Variants in IGF2BP2 observed in about 807,000 individuals in gnomAD.
IGF2BP2 encodes the protein insulin like growth factor 2 mRNA binding protein 2.
Under a neutral mutation model 75.8 loss-of-function variants are expected in IGF2BP2, and 17 were observed. The ratio of observed to expected loss-of-function variants is 0.22; its 90% confidence interval spans 0.15 to 0.34. The LOEUF (loss-of-function observed/expected upper bound fraction) is 0.34. IGF2BP2 is among the 10% of genes least tolerant of loss of function. The pLI is 1.00. For missense variants in IGF2BP2, 516 were observed against 772.4 expected, an observed-to-expected ratio of 0.67 and a Z score of 3.93; for synonymous variants, 288 against 295.6, an observed-to-expected ratio of 0.97 and a Z score of 0.26.
intron 2 of IGF2BP2, among the ~76,000 whole-genome samples, chr3:185,710,619 G>C (rs918029534): frequency 1.3e-5 from 2 of 152,046 alleles, no homozygotes; most frequent in Non-Finnish European, 2.9e-5. Context: ...TGTAGTCCCA[G>C]CTACTTGGGA....
At chr3:185,757,459 C>CTTTTTTT (rs57417087) in intron 2 of IGF2BP2, among the ~76,000 whole-genome samples, 7 of 99,610 alleles carry the variant, frequency 7.0e-5, no homozygotes, top group East Asian at 2.6e-4. Flanking sequence ...ATATCTCATA[C>CTTTTTTT]TTTTTTTTTT....
At chr3:185,735,077 A>C (rs1728681190) in intron 2 of IGF2BP2, among the ~76,000 whole-genome samples, 1 of 152,166 alleles carries the variant, frequency 6.6e-6, no homozygotes, top group South Asian at 2.1e-4. Flanking sequence ...AAAATATATT[A>C]ATTTTATGTG....
intron 2 of IGF2BP2, among the ~76,000 whole-genome samples, chr3:185,748,290 A>C (rs929319766): frequency 2.0e-5 from 3 of 152,210 alleles, no homozygotes; most frequent in Non-Finnish European, 4.4e-5. Context: ...TACATAATGG[A>C]TACACTACTA....
chr3:185,735,177 G>A (rs1728698545), intron 2 of IGF2BP2, among the ~76,000 whole-genome samples: 1 of 141,424 alleles, frequency 7.1e-6, no homozygotes, highest in African/African-American at 2.7e-5. Context: ...ACCAAGTCTC[G>A]CTCTGTCGCC....
intron 2 of IGF2BP2, among the ~76,000 whole-genome samples, chr3:185,763,882 A>C (rs573551194): frequency 6.6e-6 from 1 of 152,228 alleles, no homozygotes; most frequent in South Asian, 2.1e-4. Context: ...TGAAGGATGG[A>C]AAGTTGACGG....
chr3:185,684,567 G>C (rs1560289223), intron 7 of IGF2BP2, among the ~76,000 whole-genome samples: 1 of 152,086 alleles, frequency 6.6e-6, no homozygotes, highest in Non-Finnish European at 1.5e-5. Flanking sequence ...ACCACGCCCA[G>C]CTAATTTTTG....
At chr3:185,751,072 G>C (rs1730897806) in intron 2 of IGF2BP2, among the ~76,000 whole-genome samples, 1 of 151,946 alleles carries the variant, frequency 6.6e-6, no homozygotes, top group Non-Finnish European at 1.5e-5. Context: ...TATTAGCTGG[G>C]CGTGATGGGG....
At chr3:185,750,567 C>T (rs948583175) in intron 2 of IGF2BP2, among the ~76,000 whole-genome samples, 1 of 152,126 alleles carries the variant, frequency 6.6e-6, no homozygotes, top group African/African-American at 2.4e-5. Flanking sequence ...TTCTACAGTT[C>T]TCTACGTAGA....
At chr3:185,773,090 G>A (rs866205488) in intron 2 of IGF2BP2, among the ~76,000 whole-genome samples, 4 of 152,152 alleles carry the variant, frequency 2.6e-5, no homozygotes, top group Non-Finnish European at 5.9e-5. Flanking sequence ...AGCAAAGCAC[G>A]TGACTGCTAC....
intron 2 of IGF2BP2, among the ~76,000 whole-genome samples, chr3:185,803,007 A>C (rs1371289641): frequency 1.3e-5 from 2 of 152,242 alleles, no homozygotes; most frequent in African/African-American, 4.8e-5. Context: ...AATGTATCTC[A>C]ATTTTATTTT....
intron 2 of IGF2BP2, among the ~76,000 whole-genome samples, chr3:185,799,371 T>G (rs7653171): frequency 0.99 from 150,127 of 152,234 alleles, 74,032 homozygotes; most frequent in East Asian, 1. Flanking sequence ...CTGCCTTCCA[T>G]CCCTGGGCAA....
Position 185,824,537 on chromosome 3 carries a change from C to A in IGF2BP2, c.178+246G>T, listed in dbSNP as rs182846846. On this transcript the variant is annotated intron_variant, in intron 1 of 15. Transcript: ENST00000382199. ...CGGCGAGCCTCGGGAGCCTTCGGAG[C>A]GGCACGGGGGGCGCCCCAAGGCTGC... 3.3e-3 allele frequency among the ~76,000 whole-genome samples: 456 copies of A among 138,808 alleles called. 1 individual carries two copies. Among genetic ancestry groups the A allele is most frequent in the African/African-American group, 0.012 (433 of 36,370 alleles). The allele number at this position is 138,808 out of a possible 152,430, so 91.1% of individuals were successfully genotyped here.
chr3:185,656,712 G>A (rs1358414165), intron 12 of IGF2BP2, among the ~76,000 whole-genome samples: 1 of 152,216 alleles, frequency 6.6e-6, no homozygotes. Context: ...TCCACACTGT[G>A]CTCAAGGAGG....
intron 9 of IGF2BP2, among the ~76,000 whole-genome samples, chr3:185,674,317 G>A (rs549510215): frequency 6.6e-5 from 10 of 152,162 alleles, no homozygotes; most frequent in African/African-American, 2.4e-4. Context: ...GTGGATTATG[G>A]GTATATGAGG....
chr3:185,675,927 G>A lies in IGF2BP2; in HGVS notation c.813-14C>T, dbSNP rs548397977. 31 of 1,613,196 alleles carry A rather than the reference G, an allele frequency of 1.9e-5. No individual in the cohort carries two copies. In the South Asian group the frequency reaches 3.2e-4, roughly 17 times the overall value. ...ATCTCTTCGGCTCTAAAAGAGACAAGCAGCAAGTTAACACTTCAGATACGT... is the reference window on the plus strand; with the variant it reads ...ATCTCTTCGGCTCTAAAAGAGACAAACAGCAAGTTAACACTTCAGATACGT... On this transcript the variant is annotated splice_polypyrimidine_tract_variant and intron_variant, in intron 7 of 15. Coordinates refer to ENST00000382199, the MANE Select transcript of IGF2BP2 (RefSeq NM_006548.6).
chr3:185,700,481 G>C (rs993704945), intron 2 of IGF2BP2, among the ~76,000 whole-genome samples: 4 of 152,148 alleles, frequency 2.6e-5, no homozygotes, highest in African/African-American at 9.7e-5. Context: ...ATGCTGTGAA[G>C]GCTAATTCCC....
Position 185,644,597 on chromosome 3 carries a change from G to GT in IGF2BP2, c.*933_*934insA, listed in dbSNP as rs1037854203. 1 of 145,560 alleles carries GT rather than the reference G, an allele frequency of 6.9e-6. No homozygotes were observed. The highest frequency in any genetic ancestry group is 2.5e-5 in the African/African-American group (1 of 39,624). 9.0% of individuals were successfully genotyped at this position (145,560 alleles called of 1,614,324 possible). A position where few individuals can be genotyped will look rare whatever the true frequency, so the allele number is the denominator to read the frequency against. ...CAGAGCACTGCTTTGCCTGGGGGGG[G>GT]GGGGGTGCGTAGATACGGGATTGAG... On this transcript the variant is annotated 3_prime_UTR_variant, in exon 16 of 16. Transcript: ENST00000382199.
chr3:185,801,232 G>A (rs1288728633), intron 2 of IGF2BP2, among the ~76,000 whole-genome samples: 2 of 152,230 alleles, frequency 1.3e-5, no homozygotes, highest in African/African-American at 4.8e-5. Context: ...GCTCACGCCA[G>A]TAATCCCAGC....
intron 2 of IGF2BP2, among the ~76,000 whole-genome samples, chr3:185,747,640 T>C (rs918388383): frequency 2.0e-5 from 3 of 151,688 alleles, no homozygotes; most frequent in Non-Finnish European, 4.4e-5. Context: ...GATCACACCA[T>C]TGCACGCCAG....
Sources: allele counts gnomAD v4.1 joint callset (sites outside exome capture counted in the v4.1 genomes callset), GRCh38; gene constraint gnomAD v4.1.1; transcripts MANE v1.5; gene names NCBI Gene and HGNC (gene_info 2026-07-23, HGNC 2026-07-21).